The following ABCA13 variants were observed in gnomAD, a reference collection of about 807,000 sequenced individuals.
ABCA13 encodes the protein ATP binding cassette subfamily A member 13.
ABCA13 carries 476 observed loss-of-function variants against 478.7 expected under a neutral mutation model. The observed-to-expected ratio is 0.99, with a 90% CI of 0.92 to 1.07. The LOEUF is 1.07. ABCA13 is among the 50% of genes least tolerant of loss of function. The probability of loss-of-function intolerance (pLI) is 0.00; values close to 1 mark genes in which losing one functional copy is unlikely to be tolerated. For synonymous variants in ABCA13, 2,252 were observed against 2,158.9 expected, an observed-to-expected ratio of 1.04 and a Z score of -1.20; for missense variants, 6,060 against 5,910.6, an observed-to-expected ratio of 1.03 and a Z score of -0.83.
chr7:48,416,296 TA>T (rs1294290883), intron 41 of ABCA13, among the ~76,000 whole-genome samples: 1 of 152,152 alleles, frequency 6.6e-6, no homozygotes, highest in Non-Finnish European at 1.5e-5. Flanking sequence ...CAGTCTTAAA[TA>T]GGAGGAATTC....
At position 48,338,534 on chromosome 7, in the gene ABCA13, A is replaced by G. The variant is rs575468608; in HGVS notation, c.10204+79A>G. The stretch of plus-strand genomic sequence containing the variant: ...TTGGGTGGGTCCTCCCCCTTGGGCC[A>G]TGGCATTGCTAGGTGACTTCCAGCA... On this transcript the variant is annotated intron_variant, in intron 29 of 61. Transcript: ENST00000435803. The G allele has an allele frequency of 1.1e-4, 121 of 1,063,900 alleles. No individual in the cohort carries two copies. In the African/African-American group the frequency reaches 1.7e-3, roughly 15 times the overall value. 65.9% of individuals were successfully genotyped at this position (1,063,900 alleles called of 1,614,324 possible). A position where few individuals can be genotyped will look rare whatever the true frequency, so the allele number is the denominator to read the frequency against.
intron 55 of ABCA13, among the ~76,000 whole-genome samples, chr7:48,544,271 C>T (rs1384759486): frequency 6.6e-6 from 1 of 151,654 alleles, no homozygotes; most frequent in Admixed American, 6.6e-5. Context: ...TTGTCTTAGA[C>T]CCATTTCCAA....
rs1043200513 is a variant in ABCA13 at position 48,613,156 on chromosome 7, C to A, written c.14745-2129C>A. Among the ~76,000 whole-genome samples, 4 of 151,540 alleles carry A rather than the reference C, an allele frequency of 2.6e-5. 1 individual carries two copies. In the South Asian group the frequency reaches 8.3e-4, roughly 32 times the overall value. ...TATTAGTTCTTTATAGTAAGTATAT[C>A]AACCTCTACCCAGTAGGTCTATTGG... On this transcript the variant is annotated intron_variant, in intron 58 of 61. Coordinates refer to ENST00000435803, the MANE Select transcript of ABCA13 (RefSeq NM_152701.5).
At chr7:48,642,871 C>T (rs1018264855) in intron 59 of ABCA13, among the ~76,000 whole-genome samples, 4 of 152,172 alleles carry the variant, frequency 2.6e-5, no homozygotes, top group Admixed American at 2.0e-4. Flanking sequence ...ATTACATATG[C>T]AATCCCTTTC....
At chr7:48,442,181 G>A (rs528694525) in intron 42 of ABCA13, among the ~76,000 whole-genome samples, 93 of 152,282 alleles carry the variant, frequency 6.1e-4, no homozygotes, top group African/African-American at 2.2e-3. Flanking sequence ...AAACTCTCAC[G>A]TTGCCCATGT....
At position 48,588,692 on chromosome 7, in the gene ABCA13, T is replaced by C. The variant is rs1430635110; in HGVS notation, c.14640+1404T>C. Among the ~76,000 whole-genome samples the C allele has an allele frequency of 3.9e-5, 6 of 152,206 alleles. No homozygotes were observed. In the East Asian group the frequency reaches 1.2e-3, roughly 29 times the overall value. On this transcript the variant is annotated intron_variant, in intron 57 of 61. Transcript: ENST00000435803. ...TCATGGAGTCATTGAAAGCAGTAAA[T>C]AAAATAAACTACATTAAGCATATAG...
At chr7:48,190,777 C>A (rs989282806) in intron 1 of ABCA13, among the ~76,000 whole-genome samples, 2 of 152,116 alleles carry the variant, frequency 1.3e-5, no homozygotes, top group Admixed American at 6.5e-5. Flanking sequence ...GGTTCTAACA[C>A]ATTAGTTATA....
At chr7:48,193,390 T>C (rs1012056466) in intron 2 of ABCA13, among the ~76,000 whole-genome samples, 1 of 152,216 alleles carries the variant, frequency 6.6e-6, no homozygotes, top group Non-Finnish European at 1.5e-5. Flanking sequence ...ATCAGAATGA[T>C]ACTGATAGTA....
rs762568453 is a variant in ABCA13, at chr7:48,403,788, G to A, written c.11979G>A (p.Met3993Ile). Residue 3993 changes from methionine (M) to isoleucine (I), a missense_variant, in exon 39 of 62, where the codon ATG becomes ATA. By Grantham distance (10) the Met-to-Ile change is conservative. Transcript: ENST00000435803. The stretch of plus-strand genomic sequence containing the variant: ...CCCTTGGCATTGCTTTCATGGGCAT[G>A]TCGAGGACCGTGGTTCTGGATGAGC... Reference protein sequence around the residue: ...KLSLGIAFMGMSRTVVLDEPT... With the variant: ...KLSLGIAFMGISRTVVLDEPT... The A allele has an allele frequency of 3.1e-6, 5 of 1,614,022 alleles. No homozygotes were observed. The highest frequency in any genetic ancestry group is 4.5e-5 in the East Asian group (2 of 44,878).
At chr7:48,368,006 T>G (rs1238292667) in intron 32 of ABCA13, 98 bp downstream of exon 32, 1 of 852,744 alleles carries the variant, frequency 1.2e-6, no homozygotes, top group Non-Finnish European at 1.8e-6. Context: ...CTCTCTGTTT[T>G]GCTTCCCTCT....
At chr7:48,569,988 TG>T (rs1449235394) in intron 55 of ABCA13, among the ~76,000 whole-genome samples, 1 of 152,212 alleles carries the variant, frequency 6.6e-6, no homozygotes, top group Non-Finnish European at 1.5e-5. Context: ...CTTGTTGTAT[TG>T]TTCCAATCTC....
intron 28 of ABCA13, among the ~76,000 whole-genome samples, chr7:48,335,815 C>A (rs2128944879): frequency 6.6e-6 from 1 of 152,226 alleles, no homozygotes; most frequent in South Asian, 2.1e-4. Context: ...AGATTGTTTG[C>A]ATATTTTTGA....
At chr7:48,621,245 C>A (rs1358379833) in intron 59 of ABCA13, among the ~76,000 whole-genome samples, 1 of 152,122 alleles carries the variant, frequency 6.6e-6, no homozygotes, top group African/African-American at 2.4e-5. Context: ...TAGCAATAAT[C>A]TTTTCCTCTT....
chr7:48,523,480 A>G (rs1239998525), intron 53 of ABCA13, among the ~76,000 whole-genome samples: 1 of 152,066 alleles, frequency 6.6e-6, no homozygotes, highest in Non-Finnish European at 1.5e-5. Flanking sequence ...ATAATAATAT[A>G]TTACATGGCA....
chr7:48,478,084 G>T (rs1472959315), intron 45 of ABCA13, among the ~76,000 whole-genome samples: 2 of 151,166 alleles, frequency 1.3e-5, no homozygotes, highest in African/African-American at 4.9e-5. Flanking sequence ...TTTGGAGGTT[G>T]TTATGTTCAT....
At chr7:48,201,079 G>A (rs1008128110) in intron 3 of ABCA13, among the ~76,000 whole-genome samples, 75 of 145,726 alleles carry the variant, frequency 5.1e-4, no homozygotes, top group African/African-American at 1.9e-3. Flanking sequence ...CTACTTTATT[G>A]GTTTACAAAG....
chr7:48,617,623 G>A (rs997415197), intron 59 of ABCA13, among the ~76,000 whole-genome samples: 46 of 152,140 alleles, frequency 3.0e-4, no homozygotes, highest in African/African-American at 1.1e-3. Flanking sequence ...GGAGGGGCAG[G>A]TGCAACAAGA....
chr7:48,288,105 A>G, intron 20 of ABCA13, 27 bp downstream of exon 20: 1 of 1,595,772 alleles, frequency 6.3e-7, no homozygotes, highest in Non-Finnish European at 8.6e-7. Flanking sequence ...ATTTCAGAGA[A>G]TTTCATGTTC....
intron 35 of ABCA13, among the ~76,000 whole-genome samples, chr7:48,381,263 C>G (rs183250224): frequency 6.6e-6 from 1 of 152,198 alleles, no homozygotes; most frequent in African/African-American, 2.4e-5. Flanking sequence ...TTTTAAAACA[C>G]TGTTCCAGAG....
Sources: allele counts gnomAD v4.1 joint callset (sites outside exome capture counted in the v4.1 genomes callset), GRCh38; gene constraint gnomAD v4.1.1; transcripts MANE v1.5; gene names NCBI Gene and HGNC (gene_info 2026-07-23, HGNC 2026-07-21).